Variants in MIS18A observed in about 807,000 individuals in gnomAD.
MIS18A encodes MIS18 kinetochore protein A.
In MIS18A, 14 loss-of-function variants were observed where a neutral mutation model predicts 25.0. That is an observed-to-expected ratio of 0.56 (90% CI 0.37 to 0.88). The LOEUF is 0.88. MIS18A is among the 40% of genes least tolerant of loss of function. The pLI, the probability that MIS18A is intolerant of heterozygous loss-of-function variation, is 0.00. For synonymous variants in MIS18A, 134 were observed against 118.6 expected (o/e 1.13, Z -0.84); for missense variants, 292 against 290.8 (o/e 1.00, Z -0.03).
chr21:32,209,915 T>C, the MIS18A span, among the ~76,000 whole-genome samples: 1 of 152,324 alleles, frequency 6.6e-6, no homozygotes, highest in Admixed American at 6.5e-5. Flanking sequence ...CTCTTTCCTT[T>C]ACAAATTACC....
the MIS18A span, among the ~76,000 whole-genome samples, chr21:32,246,968 T>A: frequency 3.3e-5 from 5 of 152,146 alleles, no homozygotes; most frequent in African/African-American, 1.2e-4. Flanking sequence ...CCAAAAAAAA[T>A]TCAGTCAGTC....
the MIS18A span, among the ~76,000 whole-genome samples, chr21:32,241,479 G>C: frequency 6.6e-6 from 1 of 152,282 alleles, no homozygotes; most frequent in Non-Finnish European, 1.5e-5. Context: ...AGTGAAGATG[G>C]TGTGGCAGGG....
chr21:32,228,355 G>A, the MIS18A span, among the ~76,000 whole-genome samples: 1 of 152,130 alleles, frequency 6.6e-6, no homozygotes, highest in African/African-American at 2.4e-5. Flanking sequence ...CCAAAGTGCT[G>A]GGATTACAGG....
the MIS18A span, among the ~76,000 whole-genome samples, chr21:32,227,059 G>A: frequency 0.057 from 8,684 of 152,116 alleles, 329 homozygotes; most frequent in Middle Eastern, 0.11. Flanking sequence ...TCTATGGGAT[G>A]CAAATAAAGC....
the MIS18A span, among the ~76,000 whole-genome samples, chr21:32,215,263 C>A: frequency 6.6e-6 from 1 of 152,230 alleles, no homozygotes; most frequent in East Asian, 1.9e-4. Context: ...CTCTCCCTCT[C>A]ACCCCTCCTT....
the MIS18A span, among the ~76,000 whole-genome samples, chr21:32,258,503 G>C: frequency 1.3e-5 from 2 of 152,250 alleles, no homozygotes; most frequent in African/African-American, 2.4e-5. Context: ...GGCTGGACAC[G>C]ATGAATGTTT....
At chr21:32,178,895 C>T in the MIS18A span, among the ~76,000 whole-genome samples, 1 of 152,066 alleles carries the variant, frequency 6.6e-6, no homozygotes, top group East Asian at 1.9e-4. Context: ...TCCTTTATTT[C>T]TCTCTGCTGC....
the MIS18A span, among the ~76,000 whole-genome samples, chr21:32,169,001 C>A: frequency 3.3e-5 from 5 of 152,124 alleles, no homozygotes; most frequent in Non-Finnish European, 7.4e-5. Flanking sequence ...CAGAGAACAA[C>A]AGAAGCAGAA....
chr21:32,273,522 C>T (rs2031752399), intron 2 of MIS18A, among the ~76,000 whole-genome samples: 1 of 152,158 alleles, frequency 6.6e-6, no homozygotes, highest in Non-Finnish European at 1.5e-5. Flanking sequence ...TCTGTCAGAA[C>T]TGGGGACTAA....
chr21:32,219,926 A>T, the MIS18A span, among the ~76,000 whole-genome samples: 5 of 152,178 alleles, frequency 3.3e-5, no homozygotes, highest in South Asian at 6.2e-4. Flanking sequence ...GCCTCTCTAG[A>T]TTCTTCCTCT....
the MIS18A span, among the ~76,000 whole-genome samples, chr21:32,178,078 T>C: frequency 6.6e-6 from 1 of 151,994 alleles, no homozygotes; most frequent in Admixed American, 6.6e-5. Context: ...GCCACTATAC[T>C]AGGCTAATTT....
At chr21:32,267,860 C>T (rs370322552), downstream of MIS18A, among the ~76,000 whole-genome samples, 3 of 152,160 alleles carry the variant, frequency 2.0e-5, no homozygotes, top group Non-Finnish European at 2.9e-5. Flanking sequence ...GAGTAGCCTG[C>T]GAGAGAGAAC....
chr21:32,186,310 T>C, the MIS18A span, among the ~76,000 whole-genome samples: 1 of 152,170 alleles, frequency 6.6e-6, no homozygotes, highest in South Asian at 2.1e-4. Flanking sequence ...GTGAGTAAAA[T>C]AGAAGAAGAC....
chr21:32,168,519 A>G, the MIS18A span, among the ~76,000 whole-genome samples: 1 of 152,198 alleles, frequency 6.6e-6, no homozygotes. Flanking sequence ...CTGAAACTAA[A>G]TTTTATATTG....
chr21:32,277,551 C>G (rs1012333548), intron 1 of MIS18A, among the ~76,000 whole-genome samples: 1 of 152,200 alleles, frequency 6.6e-6, no homozygotes, highest in South Asian at 2.1e-4. Context: ...CTCCCGGGTT[C>G]AAGTGATTCT....
At chr21:32,195,419 T>C in the MIS18A span, among the ~76,000 whole-genome samples, 4 of 152,318 alleles carry the variant, frequency 2.6e-5, no homozygotes, top group East Asian at 7.7e-4. Context: ...TCTGAGGCCT[T>C]TAAATTCCAG....
At chr21:32,266,435 CTTTGT>C (rs532983085), downstream of MIS18A, among the ~76,000 whole-genome samples, 1,535 of 152,290 alleles carry the variant, frequency 0.01, 16 homozygotes, top group African/African-American at 0.035. Flanking sequence ...ACTGTGGAAG[CTTTGT>C]TTTTTCGCTC....
intron 2 of MIS18A, among the ~76,000 whole-genome samples, chr21:32,272,982 A>C (rs2031740630): frequency 6.6e-6 from 1 of 152,220 alleles, no homozygotes; most frequent in Non-Finnish European, 1.5e-5. Context: ...ACTTTCTTCA[A>C]CTACCAAATG....
At chr21:32,223,370 A>G in the MIS18A span, among the ~76,000 whole-genome samples, 1 of 152,310 alleles carries the variant, frequency 6.6e-6, no homozygotes, top group Middle Eastern at 3.4e-3. Context: ...AACAAAATAG[A>G]TGGAACGCCA....
Sources: gnomAD v4.1 joint callset for allele counts (sites outside exome capture counted in the v4.1 genomes callset) on GRCh38, gnomAD v4.1.1 for gene constraint, MANE v1.5 for transcripts, NCBI Gene and HGNC (gene_info 2026-07-23, HGNC 2026-07-21) for gene names.